Variants in HECW1 observed in about 807,000 individuals in gnomAD.
The protein encoded by HECW1 is HECT, C2 and WW domain containing E3 ubiquitin protein ligase 1, also known as E3 ubiquitin-protein ligase HECW1.
Under a neutral mutation model 182.3 loss-of-function variants are expected in HECW1, and 61 were observed. That is an observed-to-expected ratio of 0.33 (90% confidence interval 0.27 to 0.41). The LOEUF (loss-of-function observed/expected upper bound fraction) is 0.41, where lower values mean the gene tolerates loss of function less well. Among genes scored for constraint, HECW1 ranks in the 10% least tolerant of loss-of-function variants. The pLI, the probability that HECW1 is intolerant of heterozygous loss-of-function variation, is 1.00. For missense variants in HECW1, 1,739 were observed against 2,108.9 expected (o/e 0.82, Z 3.44); for synonymous variants, 859 against 832.6 (o/e 1.03, Z -0.55).
At chr7:43,216,593 C>T (rs939738805) in intron 2 of HECW1, among the ~76,000 whole-genome samples, 7 of 152,066 alleles carry the variant, frequency 4.6e-5, no homozygotes, top group African/African-American at 1.2e-4. Context: ...GCCGTGTTAG[C>T]CCCAGGGACA....
chr7:43,310,911 T>G lies in HECW1; in HGVS notation c.28-852T>G, dbSNP rs544103610. 1.6e-3 allele frequency among the ~76,000 whole-genome samples: 241 copies of G among 152,324 alleles called. 1 individual carries two copies. Among genetic ancestry groups the G allele is most frequent in the Non-Finnish European group, 2.4e-3 (164 of 68,034 alleles). On this transcript the variant is annotated intron_variant, in intron 3 of 29. Transcript: ENST00000395891. The stretch of plus-strand genomic sequence containing the variant: ...AAAAATGTTCATTTAAACGCAATTT[T>G]AATATACTTTGATGAAGTCAGAATC...
At chr7:43,494,389 A>G (rs2079039633) in intron 19 of HECW1, among the ~76,000 whole-genome samples, 2 of 152,158 alleles carry the variant, frequency 1.3e-5, no homozygotes, top group Non-Finnish European at 2.9e-5. Context: ...CTCCTAAAAT[A>G]TTCCCTATCA....
intron 2 of HECW1, among the ~76,000 whole-genome samples, chr7:43,192,653 GA>G (rs561340966): frequency 6.6e-6 from 1 of 152,032 alleles, no homozygotes; most frequent in South Asian, 2.1e-4. Context: ...AAAGTATAAA[GA>G]AAAAAATTGT....
chr7:43,421,034 G>A (rs368422121), intron 8 of HECW1, among the ~76,000 whole-genome samples: 13 of 152,260 alleles, frequency 8.5e-5, no homozygotes, highest in Admixed American at 3.9e-4. Flanking sequence ...TTATACTGCC[G>A]GATGTCCAGA....
chr7:43,349,829 A>G (rs1325607400), intron 5 of HECW1, among the ~76,000 whole-genome samples: 1 of 152,176 alleles, frequency 6.6e-6, no homozygotes, highest in Non-Finnish European at 1.5e-5. Flanking sequence ...TAAGTGGGGA[A>G]TTTAGGCCAT....
At chr7:43,366,112 AAAGAAC>A in intron 6 of HECW1, among the ~76,000 whole-genome samples, 1 of 152,148 alleles carries the variant, frequency 6.6e-6, no homozygotes, top group Non-Finnish European at 1.5e-5. Context: ...CAAAAAAAAA[AAAGAAC>A]AAAGAACAAA....
intron 24 of HECW1, among the ~76,000 whole-genome samples, chr7:43,533,148 T>C (rs4724212): frequency 0.051 from 7,721 of 151,598 alleles, 498 homozygotes; most frequent in African/African-American, 0.14. Context: ...ATCTAGTAGG[T>C]AGGAGTCAGA....
intron 5 of HECW1, among the ~76,000 whole-genome samples, chr7:43,335,679 T>A (rs572801856): frequency 6.6e-6 from 1 of 152,300 alleles, no homozygotes; most frequent in South Asian, 2.1e-4. Flanking sequence ...TTGGAATCTT[T>A]CTTTCTTTTT....
At chr7:43,235,721 A>C (rs113244442) in intron 2 of HECW1, among the ~76,000 whole-genome samples, 78 of 152,262 alleles carry the variant, frequency 5.1e-4, no homozygotes, top group African/African-American at 1.8e-3. Flanking sequence ...GAGGATGGCC[A>C]GTGGGTCTCA....
At chr7:43,527,770 G>C (rs1256653313) in intron 24 of HECW1, among the ~76,000 whole-genome samples, 1 of 152,076 alleles carries the variant, frequency 6.6e-6, no homozygotes, top group Non-Finnish European at 1.5e-5. Flanking sequence ...TGTTTCTAAA[G>C]AATACACCAG....
chr7:43,114,209 A>G lies in HECW1; in HGVS notation c.-214A>G. 3.7e-6 allele frequency: 5 copies of G among 1,352,860 alleles called. No individual in the cohort carries two copies. Among genetic ancestry groups the G allele is most frequent in the Non-Finnish European group, 2.9e-6 (3 of 1,029,438 alleles). 83.8% of individuals were successfully genotyped at this position (1,352,860 alleles called of 1,614,324 possible). ...GATACAGCAAGAGCAGCATAGTTCA[A>G]AAATTGAGGGAGGCATCTTCTCTCT... On this transcript the variant is annotated 5_prime_UTR_variant, in exon 2 of 30. Coordinates refer to ENST00000395891, the MANE Select transcript of HECW1 (RefSeq NM_015052.5).
intron 5 of HECW1, among the ~76,000 whole-genome samples, chr7:43,330,436 G>A (rs933457878): frequency 6.6e-6 from 1 of 152,202 alleles, no homozygotes; most frequent in African/African-American, 2.4e-5. Flanking sequence ...CTGCCATGCT[G>A]AGCCCACACC....
At position 43,379,567 on chromosome 7, in the gene HECW1, G is replaced by A. The variant is rs1481534428; in HGVS notation, c.556-17247G>A. On this transcript the variant is annotated intron_variant, in intron 6 of 29. Transcript: ENST00000395891. ...TGGCTTTTTCACCATCATTCCTGCT[G>A]CTCTGCCCTTGCCTGACACTGCCTC... 2.0e-5 allele frequency among the ~76,000 whole-genome samples: 3 copies of A among 152,092 alleles called. 1 individual carries two copies. Among genetic ancestry groups the A allele is most frequent in the Admixed American group, 1.3e-4 (2 of 15,260 alleles).
intron 5 of HECW1, among the ~76,000 whole-genome samples, chr7:43,329,180 G>A (rs990115952): frequency 6.6e-6 from 1 of 152,148 alleles, no homozygotes. Context: ...GGGCCAAGTG[G>A]CATACAGGGG....
rs1335384574 is a variant in HECW1 at position 43,562,034 on chromosome 7, A to G, written c.*108A>G. The stretch of plus-strand genomic sequence containing the variant: ...AACTCTCCTTTGATTTTGGTATTCC[A>G]TGATTTTTATTTTCAAACCAAATCA... On this transcript the variant is annotated 3_prime_UTR_variant, in exon 30 of 30. Coordinates refer to ENST00000395891, the MANE Select transcript of HECW1 (RefSeq NM_015052.5). 4 of 668,124 alleles carry G rather than the reference A, an allele frequency of 6.0e-6. No homozygotes were observed. Among genetic ancestry groups the G allele is most frequent in the South Asian group, 1.9e-5 (1 of 53,308 alleles). 41.4% of individuals were successfully genotyped at this position (668,124 alleles called of 1,614,324 possible). A position where few individuals can be genotyped will look rare whatever the true frequency, so the allele number is the denominator to read the frequency against.
At chr7:43,448,143 AAGAG>A (rs1330778838) in intron 11 of HECW1, among the ~76,000 whole-genome samples, 1 of 152,100 alleles carries the variant, frequency 6.6e-6, no homozygotes, top group African/African-American at 2.4e-5. Flanking sequence ...CTCAAAAAAA[AAGAG>A]AGAGAGAAAA....
At chr7:43,232,690 A>G (rs1562708976) in intron 2 of HECW1, among the ~76,000 whole-genome samples, 1 of 152,232 alleles carries the variant, frequency 6.6e-6, no homozygotes, top group Admixed American at 6.5e-5. Flanking sequence ...CTTCTTGCTT[A>G]CAGTGAACAT....
chr7:43,416,599 T>C (rs909963660), intron 8 of HECW1, among the ~76,000 whole-genome samples: 20 of 151,372 alleles, frequency 1.3e-4, no homozygotes, highest in Admixed American at 2.0e-4. Context: ...TAAGCAAGCC[T>C]GGGCAATGGC....
At chr7:43,126,499 C>T (rs190736464) in intron 2 of HECW1, among the ~76,000 whole-genome samples, 143 of 152,276 alleles carry the variant, frequency 9.4e-4, no homozygotes, top group African/African-American at 3.3e-3. Flanking sequence ...AGACAGAGAC[C>T]ATTAGACCCA....
Sources: gnomAD v4.1 joint callset for allele counts (sites outside exome capture counted in the v4.1 genomes callset) on GRCh38, gnomAD v4.1.1 for gene constraint, MANE v1.5 for transcripts, NCBI Gene and HGNC (gene_info 2026-07-23, HGNC 2026-07-21) for gene names.